The following ASMTL variants were observed in gnomAD, a reference collection of about 807,000 sequenced individuals.
The protein encoded by ASMTL is probable bifunctional dTTP/UTP pyrophosphatase/methyltransferase protein.
Under a neutral mutation model 60.3 loss-of-function variants are expected in ASMTL, and 57 were observed. That is an observed-to-expected ratio of 0.95 (90% CI 0.76 to 1.18). ASMTL has a LOEUF of 1.18. ASMTL is among the 50% of genes most tolerant of loss of function. The pLI is 0.00. For synonymous variants in ASMTL, 419 were observed against 373.0 expected, an observed-to-expected ratio of 1.12 and a Z score of -1.42; for missense variants, 981 against 852.6, an observed-to-expected ratio of 1.15 and a Z score of -1.88.
At chrX:1,411,297 G>A (rs1304669421) in intron 12 of ASMTL, among the ~76,000 whole-genome samples, 2 of 152,168 alleles carry the variant, frequency 1.3e-5, no homozygotes, top group East Asian at 1.9e-4. Flanking sequence ...CTGTTTCAAC[G>A]CGCAGGTGCC....
Position 1,428,322 on chromosome X carries a change from C to CA in ASMTL, c.510-202dup, listed in dbSNP as rs61684472. On this transcript the variant is annotated intron_variant, in intron 6 of 12. Coordinates refer to ENST00000381317, the MANE Select transcript of ASMTL (RefSeq NM_004192.4). Reference sequence around the variant, plus strand: ...GTGGGGGCAGGCGCCTTTGGCATCTCAAAAAAAAAAAAAAAAAGAAAAACA... The same window carrying CA: ...GTGGGGGCAGGCGCCTTTGGCATCTCAAAAAAAAAAAAAAAAAAGAAAAACA... 141 of 136,854 alleles carry CA rather than the reference C, an allele frequency of 1.0e-3. 2 individuals carry two copies. Among genetic ancestry groups the CA allele is most frequent in the African/African-American group, 2.9e-3 (105 of 36,038 alleles). 8.5% of individuals were successfully genotyped at this position (136,854 alleles called of 1,614,324 possible). A position where few individuals can be genotyped will look rare whatever the true frequency, so the allele number is the denominator to read the frequency against.
At chrX:1,430,943 A>T (rs2149320699) in intron 6 of ASMTL, among the ~76,000 whole-genome samples, 1 of 142,350 alleles carries the variant, frequency 7.0e-6, no homozygotes, top group Admixed American at 7.2e-5. Flanking sequence ...TATATAACTA[A>T]TATGTATTAC....
intron 8 of ASMTL, 69 bp from the exon 9 acceptor site, chrX:1,421,911 G>A: frequency 7.0e-7 from 1 of 1,424,872 alleles, no homozygotes. Context: ...CGTAGGGGAT[G>A]TATCATTGAG....
chrX:1,423,205 G>T (rs1188069091), intron 8 of ASMTL, among the ~76,000 whole-genome samples: 1 of 152,130 alleles, frequency 6.6e-6, no homozygotes, highest in African/African-American at 2.4e-5. Context: ...GCCTGCCTTG[G>T]CCTCCCCAAG....
chrX:1,425,671 C>G lies in ASMTL; in HGVS notation c.914G>C (p.Cys305Ser), dbSNP rs2090596139. The G allele has an allele frequency of 6.2e-7, 1 of 1,613,450 alleles. No individual in the cohort carries two copies. The highest frequency in any genetic ancestry group is 1.1e-5 in the South Asian group (1 of 91,054). Residue 305 changes from cysteine (C) to serine (S), a missense_variant, in exon 8 of 13, where the codon TGC (cysteine) becomes TCC (serine). Transcript: ENST00000381317. ...TAACAAATCGAACACCTTCAGTTTG[C>G]AAGCGGTGAGCAGGCCCTGTTAAAA... Reference protein sequence around the residue: ...FMLSKGLLTACKLKVFDLLKD... With the variant: ...FMLSKGLLTASKLKVFDLLKD...
At chrX:1,422,142 C>T (rs1463921133) in intron 8 of ASMTL, among the ~76,000 whole-genome samples, 5 of 152,290 alleles carry the variant, frequency 3.3e-5, no homozygotes, top group African/African-American at 4.8e-5. Context: ...TCTTCATGAT[C>T]GTGGCCACGC....
rs1360683123 is a variant in ASMTL, at chrX:1,416,906, T to C, written c.1522+1067A>G. On this transcript the variant is annotated intron_variant, in intron 11 of 12. Transcript: ENST00000381317. Reference sequence around the variant, plus strand: ...GCAGACACACATACCCTCAGAGACATACACACCACAGAGGTGCACACACAC... The same window carrying C: ...GCAGACACACATACCCTCAGAGACACACACACCACAGAGGTGCACACACAC... Among the ~76,000 whole-genome samples the C allele has an allele frequency of 1.4e-5, 2 of 140,652 alleles. 1 individual carries two copies. Among genetic ancestry groups the C allele is most frequent in the Non-Finnish European group, 3.1e-5 (2 of 64,992 alleles). The allele number at this position is 140,652 out of a possible 152,430, so 92.3% of individuals were successfully genotyped here. A position where few individuals can be genotyped will look rare whatever the true frequency, so the allele number is the denominator to read the frequency against.
intron 12 of ASMTL, among the ~76,000 whole-genome samples, chrX:1,410,805 GCT>G (rs2089985542): frequency 6.6e-6 from 1 of 150,956 alleles, no homozygotes; most frequent in Non-Finnish European, 1.5e-5. Context: ...TGGGAGGACA[GCT>G]TGAGCCTAGG....
At chrX:1,448,913 C>T (rs2091290843) in intron 1 of ASMTL, among the ~76,000 whole-genome samples, 2 of 152,298 alleles carry the variant, frequency 1.3e-5, no homozygotes, top group African/African-American at 4.8e-5. Flanking sequence ...TTTAAGTTCC[C>T]GTGATTAAAA....
At chrX:1,427,458 C>A (rs1171590346) in intron 7 of ASMTL, among the ~76,000 whole-genome samples, 1 of 150,010 alleles carries the variant, frequency 6.7e-6, no homozygotes, top group Non-Finnish European at 1.5e-5. Context: ...TTCTAAGAGA[C>A]AGAGGAGGAG....
chrX:1,451,178 GGGGTCCT>G (rs2091370497), intron 1 of ASMTL, among the ~76,000 whole-genome samples: 1 of 2,800 alleles, frequency 3.6e-4, no homozygotes, highest in Admixed American at 2.8e-3. Context: ...CCATCCCTAG[GGGGTCCT>G]GGGACACTCC....
chrX:1,433,423 T>C (rs2090865153), intron 5 of ASMTL, among the ~76,000 whole-genome samples: 1 of 145,004 alleles, frequency 6.9e-6, no homozygotes, highest in Admixed American at 7.2e-5. Context: ...CCCAGCACTT[T>C]GGGAGGCCGA....
chrX:1,403,541 TCAGCAGGACACAGGGGACA>T (rs766665716), intron 12 of ASMTL, 52 bp from the exon 13 acceptor site: 7 of 1,539,362 alleles, frequency 4.5e-6, no homozygotes, highest in Middle Eastern at 1.9e-4. Context: ...CGGGGATCCT[TCAGCAGGACACAGGGGACA>T]CAGCAGGCAA....
rs770737139 is a variant in ASMTL at position 1,418,860 on chromosome X, C to T, written c.1378+122G>A. On this transcript the variant is annotated intron_variant, in intron 10 of 12. Coordinates refer to ENST00000381317, the MANE Select transcript of ASMTL (RefSeq NM_004192.4). ...CCATGATCTGGGACTCAGCCTGGCC[C>T]GGTTCAGGTCGTTATCAGGTTTGTC... 581 of 1,275,484 alleles carry T rather than the reference C, an allele frequency of 4.6e-4. 1 individual carries two copies. Among genetic ancestry groups the T allele is most frequent in the Admixed American group, 6.0e-4 (30 of 50,000 alleles). 79.0% of individuals were successfully genotyped at this position (1,275,484 alleles called of 1,614,324 possible).
chrX:1,443,625 C>T (rs75062691), intron 1 of ASMTL, among the ~76,000 whole-genome samples: 140,395 of 145,880 alleles, frequency 0.96, 67,823 homozygotes, highest in Middle Eastern at 1. Context: ...GGACAGACAC[C>T]GCCATCGTGG....
intron 9 of ASMTL, among the ~76,000 whole-genome samples, chrX:1,419,524 C>T (rs1217043833): frequency 1.3e-5 from 2 of 152,092 alleles, no homozygotes; most frequent in African/African-American, 2.4e-5. Flanking sequence ...CACAATGGTG[C>T]GGTGTGCAGA....
Position 1,442,169 on chromosome X carries a change from G to T in ASMTL, c.225+17C>A. ...CAAAGGAATTTTCATAAGGGCCGAA[G>T]GGCAGGGGCCCCTTGCCTGGTACAG... On this transcript the variant is annotated intron_variant, in intron 2 of 12. Coordinates refer to ENST00000381317, the MANE Select transcript of ASMTL (RefSeq NM_004192.4). The T allele has an allele frequency of 6.2e-7, 1 of 1,612,580 alleles. No individual in the cohort carries two copies. Among genetic ancestry groups the T allele is most frequent in the Non-Finnish European group, 8.5e-7 (1 of 1,179,508 alleles).
intron 2 of ASMTL, among the ~76,000 whole-genome samples, chrX:1,439,372 G>A (rs549057750): frequency 2.0e-5 from 3 of 152,212 alleles, no homozygotes; most frequent in South Asian, 4.1e-4. Flanking sequence ...CGGGGGCTGC[G>A]TGATCAGGGG....
chrX:1,433,282 G>A (rs1282778166), intron 5 of ASMTL, among the ~76,000 whole-genome samples: 1 of 151,960 alleles, frequency 6.6e-6, no homozygotes, highest in African/African-American at 2.4e-5. Context: ...GAAAGGGCAG[G>A]CTTTGGTTGT....
Sources: allele counts gnomAD v4.1 joint callset (sites outside exome capture counted in the v4.1 genomes callset), GRCh38; gene constraint gnomAD v4.1.1; transcripts MANE v1.5; gene names NCBI Gene and HGNC (gene_info 2026-07-23, HGNC 2026-07-21).